Variants in SLC29A3 observed in about 807,000 individuals in gnomAD.
The protein encoded by SLC29A3 is equilibrative nucleoside transporter 3.
SLC29A3 carries 18 observed loss-of-function variants against 25.4 expected under a neutral mutation model. That is an observed-to-expected ratio of 0.71 (90% CI 0.49 to 1.05). The LOEUF (loss-of-function observed/expected upper bound fraction) is 1.05. Among genes scored for constraint, SLC29A3 ranks in the 50% least tolerant of loss-of-function variants. SLC29A3 has a pLI of 0.00. For synonymous variants in SLC29A3, 258 were observed against 267.1 expected, an observed-to-expected ratio of 0.97 and a Z score of 0.33; for missense variants, 586 against 609.0, an observed-to-expected ratio of 0.96 and a Z score of 0.40.
chr10:71,352,092 G>C (rs1846781203), intron 4 of SLC29A3, among the ~76,000 whole-genome samples: 1 of 152,188 alleles, frequency 6.6e-6, no homozygotes, highest in Non-Finnish European at 1.5e-5. Context: ...GTTGATAGTG[G>C]CTGCTGGCTG....
chr10:71,373,560 C>T (rs1049787074), intron 3 of SLC29A3, among the ~76,000 whole-genome samples: 3 of 152,172 alleles, frequency 2.0e-5, no homozygotes, highest in Admixed American at 6.5e-5. Flanking sequence ...CTGCATGCCT[C>T]GACATTCTGA....
chr10:71,349,255 A>G (rs528111598), intron 3 of SLC29A3, among the ~76,000 whole-genome samples: 1 of 152,268 alleles, frequency 6.6e-6, no homozygotes, highest in South Asian at 2.1e-4. Context: ...TTAAGTGAAA[A>G]TTAAAGGCAG....
chr10:71,329,234 C>T (rs1250544876), intron 2 of SLC29A3, among the ~76,000 whole-genome samples: 1 of 152,170 alleles, frequency 6.6e-6, no homozygotes, highest in Non-Finnish European at 1.5e-5. Context: ...TTATAACCAG[C>T]GTGTTCTCCA....
At position 71,351,542 on chromosome 10, in the gene SLC29A3, T is replaced by C; in HGVS notation, c.384-20T>C. The C allele has an allele frequency of 6.2e-7, 1 of 1,612,780 alleles. No individual in the cohort carries two copies. The highest frequency in any genetic ancestry group is 8.5e-7 in the Non-Finnish European group (1 of 1,178,804). On this transcript the variant is annotated intron_variant, in intron 3 of 5. Transcript: ENST00000373189. ...GAGCCCCGAAGGGGTGTCTAACTGC[T>C]TCTGGCATCCTCGCCCCAGGGTTGC... is the stretch of plus-strand genomic sequence containing the variant.
intron 2 of SLC29A3, among the ~76,000 whole-genome samples, chr10:71,335,866 T>G (rs1252170624): frequency 1.3e-5 from 2 of 151,830 alleles, no homozygotes; most frequent in Non-Finnish European, 2.9e-5. Flanking sequence ...ACCCCCACCC[T>G]TACAAAAGGA....
intron 2 of SLC29A3, among the ~76,000 whole-genome samples, chr10:71,343,340 T>C (rs1209971406): frequency 6.6e-6 from 1 of 152,212 alleles, no homozygotes; most frequent in Non-Finnish European, 1.5e-5. Context: ...GACTGGACAT[T>C]CTTTGAGTTT....
At chr10:71,358,873 A>G (rs964725691) in intron 5 of SLC29A3, among the ~76,000 whole-genome samples, 13 of 152,108 alleles carry the variant, frequency 8.5e-5, no homozygotes, top group African/African-American at 2.9e-4. Context: ...GACAGAGAAC[A>G]CCCAGGACCA....
chr10:71,319,323 C>T lies in SLC29A3; in HGVS notation c.1+13C>T, dbSNP rs557190641. The T allele has an allele frequency of 1.1e-5, 7 of 646,958 alleles. No homozygotes were observed. Among genetic ancestry groups the T allele is most frequent in the Non-Finnish European group, 1.7e-5 (6 of 360,120 alleles). 40.1% of individuals were successfully genotyped at this position (646,958 alleles called of 1,614,324 possible). A position where few individuals can be genotyped will look rare whatever the true frequency, so the allele number is the denominator to read the frequency against. ...CGCAGCGGCGACAGTAAGTGCGGGC[C>T]GGCTCGGGCTCTTCCGGCTACGGTC... On this transcript the variant is annotated intron_variant, in intron 1 of 5. Transcript: ENST00000373189.
chr10:71,335,486 G>C (rs1363480425), intron 2 of SLC29A3, among the ~76,000 whole-genome samples: 1 of 152,202 alleles, frequency 6.6e-6, no homozygotes, highest in Non-Finnish European at 1.5e-5. Context: ...CAGAGGCTGA[G>C]GGTGGCCAGG....
chr10:71,362,650 G>A lies in SLC29A3; in HGVS notation c.*42G>A. 1 of 1,613,304 alleles carries A rather than the reference G, an allele frequency of 6.2e-7. No individual in the cohort carries two copies. Among genetic ancestry groups the A allele is most frequent in the Non-Finnish European group, 8.5e-7 (1 of 1,179,684 alleles). On this transcript the variant is annotated 3_prime_UTR_variant, in exon 6 of 6. Transcript: ENST00000373189. ...ACATTGGTGCTTCAGAGCCTTTGAAGATGAGAAGAGAGTGCAGGAGGGCTG... is the reference window on the plus strand; with the variant it reads ...ACATTGGTGCTTCAGAGCCTTTGAAAATGAGAAGAGAGTGCAGGAGGGCTG...
intron 2 of SLC29A3, among the ~76,000 whole-genome samples, chr10:71,337,572 G>C (rs373520611): frequency 2.0e-5 from 3 of 152,226 alleles, no homozygotes; most frequent in Non-Finnish European, 4.4e-5. Flanking sequence ...TCCTGGAGGT[G>C]GGGGCTGCAC....
At chr10:71,354,619 G>C (rs1052926956) in intron 4 of SLC29A3, among the ~76,000 whole-genome samples, 1 of 152,192 alleles carries the variant, frequency 6.6e-6, no homozygotes, top group Non-Finnish European at 1.5e-5. Flanking sequence ...GTGGTGCTGT[G>C]TAAGAGCTGC....
intron 2 of SLC29A3, among the ~76,000 whole-genome samples, chr10:71,325,683 C>T (rs546748722): frequency 1.7e-4 from 26 of 152,192 alleles, no homozygotes; most frequent in African/African-American, 5.1e-4. Context: ...ACAGGAACGC[C>T]GCAGAGTAGT....
In SLC29A3 at chr10:71,356,079, A is replaced by C. The variant is rs752894147; in HGVS notation, c.611-2A>C. On this transcript the variant is annotated splice_acceptor_variant, in intron 4 of 5. Transcript: ENST00000373189. LOFTEE classifies it high-confidence loss of function. The stretch of plus-strand genomic sequence containing the variant: ...TCTCTGCGTGTCCTCTGTTCTCTGC[A>C]GGAGGAGCCATGGGCGGGACGGTCA... The C allele has an allele frequency of 1.2e-6, 2 of 1,613,834 alleles. No individual in the cohort carries two copies. The highest frequency in any genetic ancestry group is 2.2e-5 in the East Asian group (1 of 44,888).
chr10:71,356,232 G>A lies in SLC29A3; in HGVS notation c.762G>A (p.Leu254=). The change falls in exon 5 of 6, where the codon CTG becomes CTA. Residue 254 remains leucine (L), a synonymous_variant. Coordinates refer to ENST00000373189, the MANE Select transcript of SLC29A3 (RefSeq NM_018344.6). ...CMGLYLLLSR[L]EYARYYMRPV... ...GACTCTACCTGCTGCTGTCCAGGCT[G>A]GAGTATGCCAGGTGAAGGTGCCACT... is the stretch of plus-strand genomic sequence containing the variant. 1 of 1,613,710 alleles carries A rather than the reference G, an allele frequency of 6.2e-7. No homozygotes were observed. Among genetic ancestry groups the A allele is most frequent in the East Asian group, 2.2e-5 (1 of 44,888 alleles).
At chr10:71,361,101 A>C (rs1435839980) in intron 5 of SLC29A3, among the ~76,000 whole-genome samples, 7 of 152,180 alleles carry the variant, frequency 4.6e-5, no homozygotes, top group Admixed American at 1.3e-4. Context: ...TTGTGTGTGC[A>C]TGGAACAGTA....
chr10:71,349,544 G>A (rs1209308352), intron 3 of SLC29A3, among the ~76,000 whole-genome samples: 4 of 152,118 alleles, frequency 2.6e-5, no homozygotes, highest in East Asian at 1.9e-4. Flanking sequence ...CCCAGGCTGC[G>A]TCACATGCCT....
intron 3 of SLC29A3, among the ~76,000 whole-genome samples, chr10:71,346,140 C>A (rs1846572691): frequency 1.3e-5 from 2 of 152,216 alleles, no homozygotes; most frequent in Admixed American, 1.3e-4. Flanking sequence ...GCTGAGTCTG[C>A]CTGTTGCCTC....
At position 71,363,342 on chromosome 10, in the gene SLC29A3, C is replaced by G; in HGVS notation, c.*734C>G. The G allele has an allele frequency of 2.2e-6, 1 of 454,086 alleles. No homozygotes were observed. Among genetic ancestry groups the G allele is most frequent in the South Asian group, 1.6e-5 (1 of 64,470 alleles). 28.1% of individuals were successfully genotyped at this position (454,086 alleles called of 1,614,324 possible). A position where few individuals can be genotyped will look rare whatever the true frequency, so the allele number is the denominator to read the frequency against. ...TTCAGTGTTCCTGTTTACAACATGTCAAAGCCATTGGTTCAAGGGCGTAAT... is the reference window on the plus strand; with the variant it reads ...TTCAGTGTTCCTGTTTACAACATGTGAAAGCCATTGGTTCAAGGGCGTAAT... On this transcript the variant is annotated 3_prime_UTR_variant, in exon 6 of 6. Transcript: ENST00000373189.
Sources: allele counts gnomAD v4.1 joint callset (sites outside exome capture counted in the v4.1 genomes callset), GRCh38; gene constraint gnomAD v4.1.1; transcripts MANE v1.5; gene names NCBI Gene and HGNC (gene_info 2026-07-23, HGNC 2026-07-21).